Variants in ANKS1B observed in about 807,000 individuals in gnomAD.
The protein encoded by ANKS1B is ankyrin repeat and sterile alpha motif domain containing 1B, also known as ankyrin repeat and sterile alpha motif domain-containing protein 1B.
Under a neutral mutation model 148.3 loss-of-function variants are expected in ANKS1B, and 36 were observed. The observed-to-expected ratio is 0.24, with a 90% CI of 0.19 to 0.32. The LOEUF is 0.32. Ranked by LOEUF, ANKS1B falls within the 10% of genes least tolerant of loss-of-function variation. ANKS1B has a pLI of 1.00. For missense variants in ANKS1B, 1,157 were observed against 1,542.6 expected (o/e 0.75, Z 4.19); for synonymous variants, 542 against 560.8 (o/e 0.97, Z 0.47).
intron 1 of ANKS1B, among the ~76,000 whole-genome samples, chr12:99,861,164 C>T (rs2089969561): frequency 6.6e-6 from 1 of 152,162 alleles, no homozygotes. Context: ...GCAGCTTGCC[C>T]AGGTCTCAGA....
chr12:98,968,459 CA>C (rs1490459958), intron 17 of ANKS1B, among the ~76,000 whole-genome samples: 1 of 142,506 alleles, frequency 7.0e-6, no homozygotes, highest in African/African-American at 3.0e-5. Context: ...CATACCAGAC[CA>C]AAAAAACAAA....
chr12:99,334,673 GAAT>G (rs1451554344), intron 12 of ANKS1B, among the ~76,000 whole-genome samples: 8 of 151,942 alleles, frequency 5.3e-5, no homozygotes, highest in Admixed American at 3.9e-4. Context: ...TAAAATGAAA[GAAT>G]AATAATAGCC....
intron 15 of ANKS1B, among the ~76,000 whole-genome samples, chr12:99,129,404 G>A (rs1289932534): frequency 1.3e-5 from 2 of 152,210 alleles, no homozygotes; most frequent in Non-Finnish European, 1.5e-5. Context: ...GCTCAGGAAT[G>A]GGACAGGGCC....
intron 11 of ANKS1B, among the ~76,000 whole-genome samples, chr12:99,441,762 A>C (rs1434371667): frequency 6.6e-6 from 1 of 151,920 alleles, no homozygotes; most frequent in Non-Finnish European, 1.5e-5. Flanking sequence ...TAACGACAGC[A>C]CCAAGAAATT....
At chr12:99,474,178 G>T (rs1484614606) in intron 10 of ANKS1B, among the ~76,000 whole-genome samples, 1 of 151,888 alleles carries the variant, frequency 6.6e-6, no homozygotes, top group African/African-American at 2.4e-5. Context: ...TACTGTTCTT[G>T]TACTCTCCTT....
chr12:99,384,456 C>T (rs547288873), intron 12 of ANKS1B, among the ~76,000 whole-genome samples: 2 of 152,172 alleles, frequency 1.3e-5, no homozygotes, highest in Non-Finnish European at 2.9e-5. Context: ...TAGGTACTGC[C>T]ATCTGTATTA....
intron 9 of ANKS1B, among the ~76,000 whole-genome samples, chr12:99,609,407 G>T (rs757842973): frequency 1.3e-4 from 20 of 151,970 alleles, no homozygotes; most frequent in Admixed American, 2.6e-4. Context: ...CCTCAAGAGG[G>T]TGCGAAAAGG....
intron 15 of ANKS1B, among the ~76,000 whole-genome samples, chr12:99,105,858 A>G (rs984687015): frequency 6.6e-6 from 1 of 152,004 alleles, no homozygotes; most frequent in Non-Finnish European, 1.5e-5. Flanking sequence ...CAGAGGGGTT[A>G]AGGAAATCAG....
At chr12:99,446,717 T>C (rs2095643786) in intron 10 of ANKS1B, among the ~76,000 whole-genome samples, 1 of 151,996 alleles carries the variant, frequency 6.6e-6, no homozygotes, top group Non-Finnish European at 1.5e-5. Context: ...TACTTCAAAA[T>C]ATAGTTGAAC....
intron 9 of ANKS1B, among the ~76,000 whole-genome samples, chr12:98,737,465 T>C (rs973875634): frequency 1.5e-4 from 23 of 152,210 alleles, no homozygotes; most frequent in Non-Finnish European, 8.8e-5. Flanking sequence ...TGTTTTGGAA[T>C]TGCTTGCTTA....
intron 17 of ANKS1B, among the ~76,000 whole-genome samples, chr12:98,879,467 C>G (rs2099700781): frequency 6.6e-6 from 1 of 152,132 alleles, no homozygotes; most frequent in African/African-American, 2.4e-5. Flanking sequence ...TCATCCTCGC[C>G]TTTCCTCTGA....
chr12:99,399,706 C>A lies in ANKS1B; in HGVS notation c.1681G>T (p.Ala561Ser). 1 of 1,613,514 alleles carries A rather than the reference C, an allele frequency of 6.2e-7. No homozygotes were observed. The highest frequency in any genetic ancestry group is 8.5e-7 in the Non-Finnish European group (1 of 1,179,518). The change falls in exon 12 of 27, where the codon GCC (alanine) becomes TCC (serine). Residue 561 changes from alanine (A) to serine (S), a missense_variant. This residue lies in a region of ANKS1B where 661 missense variants were observed against 642.1 expected (regional missense o/e 1.03). Coordinates refer to ENST00000683438, the MANE Select transcript of ANKS1B (RefSeq NM_001352186.2). ...NTSTGCTSFT[A>S]SPPASPPTSS... ...GTGGGTGGACTAGCAGGAGGACTGG[C>A]AGTAAAGCTTGTGCACCCTGTAGAT...
rs570440040 is a variant in ANKS1B, at chr12:99,089,532, G to A, written c.2527-4509C>T. 8.8e-4 allele frequency among the ~76,000 whole-genome samples: 134 copies of A among 152,322 alleles called. 1 individual carries two copies. Among genetic ancestry groups the A allele is most frequent in the African/African-American group, 3.1e-3 (129 of 41,566 alleles). ...ATTGTAGCAAGTTCCATTAGACAGTGCTACTCTACAGTTAGAGACATTGAA... is the reference window on the plus strand; with the variant it reads ...ATTGTAGCAAGTTCCATTAGACAGTACTACTCTACAGTTAGAGACATTGAA... On this transcript the variant is annotated intron_variant, in intron 15 of 26. Coordinates refer to ENST00000683438, the MANE Select transcript of ANKS1B (RefSeq NM_001352186.2).
intron 8 of ANKS1B, among the ~76,000 whole-genome samples, chr12:99,743,915 G>A (rs1000849101): frequency 3.9e-5 from 6 of 151,976 alleles, no homozygotes; most frequent in African/African-American, 1.2e-4. Context: ...TAACTTTCTC[G>A]GCTTTAATTG....
intron 14 of ANKS1B, among the ~76,000 whole-genome samples, chr12:99,180,633 T>TG (rs1375467209): frequency 1.3e-5 from 2 of 151,572 alleles, no homozygotes; most frequent in East Asian, 3.9e-4. Flanking sequence ...AGGGTTTTTT[T>TG]TTTTTTTTTT....
intron 1 of ANKS1B, among the ~76,000 whole-genome samples, chr12:99,926,832 T>G (rs1266134805): frequency 1.3e-5 from 2 of 152,144 alleles, no homozygotes; most frequent in Admixed American, 1.3e-4. Flanking sequence ...TTTCAAAAGG[T>G]AAAAGTATTG....
chr12:99,866,891 C>T lies in ANKS1B; in HGVS notation c.135-41502G>A, dbSNP rs1311799962. ...AGGCCATTATCCTTGATTCCAACAT[C>T]TCCATTGATTTATTTTGGGTTTTAT... On this transcript the variant is annotated intron_variant, in intron 1 of 26. Coordinates refer to ENST00000683438, the MANE Select transcript of ANKS1B (RefSeq NM_001352186.2). Among the ~76,000 whole-genome samples the T allele has an allele frequency of 2.6e-5, 4 of 152,248 alleles. No individual in the cohort carries two copies. In the East Asian group the frequency reaches 7.7e-4, roughly 29 times the overall value.
intron 1 of ANKS1B, among the ~76,000 whole-genome samples, chr12:99,862,303 A>G (rs1200093991): frequency 6.6e-6 from 1 of 152,262 alleles, no homozygotes; most frequent in African/African-American, 2.4e-5. Context: ...AAAAAAGCAT[A>G]GAGCAAATTT....
intron 12 of ANKS1B, among the ~76,000 whole-genome samples, chr12:99,387,603 A>AAAAAG (rs1555411884): frequency 2.0e-5 from 3 of 151,148 alleles, no homozygotes; most frequent in African/African-American, 7.4e-5. Context: ...CTCAAAAAAA[A>AAAAAG]AAGAAGAAGA....
Sources: allele counts gnomAD v4.1 joint callset (sites outside exome capture counted in the v4.1 genomes callset), GRCh38; gene constraint gnomAD v4.1.1; regional missense constraint gnomAD v4.1.1; transcripts MANE v1.5; gene names NCBI Gene and HGNC (gene_info 2026-07-23, HGNC 2026-07-21).